The following SGIP1 variants were observed in gnomAD, a reference collection of about 807,000 sequenced individuals.
SGIP1 encodes SH3-containing GRB2-like protein 3-interacting protein 1.
Under a neutral mutation model 107.5 loss-of-function variants are expected in SGIP1, and 38 were observed. The ratio of observed to expected loss-of-function variants is 0.35; its 90% CI spans 0.27 to 0.46. The LOEUF is 0.46. SGIP1 is among the 20% of genes least tolerant of loss of function. The probability of loss-of-function intolerance (pLI) is 1.00; values close to 1 mark genes in which losing one functional copy is unlikely to be tolerated. For missense variants in SGIP1, 929 were observed against 1,019.5 expected (o/e 0.91, Z 1.21); for synonymous variants, 365 against 366.1 (o/e 1.00, Z 0.03).
intron 1 of SGIP1, among the ~76,000 whole-genome samples, chr1:66,538,760 C>T (rs1346916208): frequency 6.6e-6 from 1 of 152,052 alleles, no homozygotes; most frequent in African/African-American, 2.4e-5. Flanking sequence ...AAATATTTGC[C>T]ATAAAATGTG....
intron 19 of SGIP1, among the ~76,000 whole-genome samples, chr1:66,720,814 C>T (rs751193501): frequency 2.0e-5 from 3 of 152,080 alleles, no homozygotes; most frequent in Non-Finnish European, 4.4e-5. Flanking sequence ...TTTTTTGAAA[C>T]AGTGATAATT....
chr1:66,717,388 T>C (rs1188486067), intron 18 of SGIP1, among the ~76,000 whole-genome samples: 1 of 152,178 alleles, frequency 6.6e-6, no homozygotes, highest in East Asian at 1.9e-4. Context: ...TTTATAAATG[T>C]GCATAAACCT....
At chr1:66,601,997 T>C (rs2065930440) in intron 1 of SGIP1, among the ~76,000 whole-genome samples, 1 of 152,218 alleles carries the variant, frequency 6.6e-6, no homozygotes, top group Non-Finnish European at 1.5e-5. Flanking sequence ...TCTGATGCAA[T>C]GTCCCAAACA....
At chr1:66,691,699 C>CT (rs1185270684) in intron 17 of SGIP1, among the ~76,000 whole-genome samples, 1 of 152,144 alleles carries the variant, frequency 6.6e-6, no homozygotes, top group Non-Finnish European at 1.5e-5. Context: ...CACTGCCACT[C>CT]TTTTTCTAGA....
chr1:66,582,102 A>G (rs1447983777), intron 1 of SGIP1, among the ~76,000 whole-genome samples: 1 of 152,054 alleles, frequency 6.6e-6, no homozygotes, highest in East Asian at 1.9e-4. Context: ...AGTCTACTCA[A>G]TGCACTTTCC....
intron 18 of SGIP1, among the ~76,000 whole-genome samples, chr1:66,700,466 A>G (rs948219163): frequency 6.6e-6 from 1 of 151,620 alleles, no homozygotes; most frequent in East Asian, 1.9e-4. Flanking sequence ...AATCTCATTC[A>G]GTCCTTGCAA....
At position 66,642,828 on chromosome 1, in the gene SGIP1, G is replaced by A; in HGVS notation, c.247G>A (p.Glu83Lys). The change falls in exon 6 of 25, where the codon GAA (glutamate) becomes AAA (lysine). Residue 83 changes from glutamate (E) to lysine (K), a missense_variant. By Grantham distance (56) the Glu-to-Lys change is moderately conservative. Coordinates refer to ENST00000371037, the MANE Select transcript of SGIP1 (RefSeq NM_032291.4). ...TTTATAGAACTCACCTGAGCTGGATGAAGAAGGCTACAGCATCAGACCCGA... is the reference window on the plus strand; with the variant it reads ...TTTATAGAACTCACCTGAGCTGGATAAAGAAGGCTACAGCATCAGACCCGA... ...WERYNSPELD[E>K]EGYSIRPEEP... 2 of 1,612,564 alleles carry A rather than the reference G, an allele frequency of 1.2e-6. No homozygotes were observed. Among genetic ancestry groups the A allele is most frequent in the Non-Finnish European group, 1.7e-6 (2 of 1,179,336 alleles).
chr1:66,742,203 C>T (rs1343133169), intron 24 of SGIP1, among the ~76,000 whole-genome samples: 1 of 152,016 alleles, frequency 6.6e-6, no homozygotes. Context: ...GAATCTAGGC[C>T]ACAGATCAAA....
In SGIP1 at chr1:66,719,355, A is replaced by T. The variant is rs201542797; in HGVS notation, c.1692A>T (p.Ala564=). ...CTCAGGACACTCTCCCTGTTGCAGCAGCATTTACAGAAACAGTCAATGCCT... is the reference window on the plus strand; with the variant it reads ...CTCAGGACACTCTCCCTGTTGCAGCTGCATTTACAGAAACAGTCAATGCCT... The part of the protein sequence containing the change: ...MGAQDTLPVA[A]AFTETVNAYF... Residue 564 remains alanine (A), a synonymous_variant, in exon 19 of 25, where the codon GCA becomes GCT. Transcript: ENST00000371037. 3 of 1,613,618 alleles carry T rather than the reference A, an allele frequency of 1.9e-6. No homozygotes were observed. The African/African-American group carries it at 4.0e-5, about 22-fold the overall frequency.
chr1:66,716,104 T>C (rs1273611251), intron 18 of SGIP1, among the ~76,000 whole-genome samples: 1 of 152,094 alleles, frequency 6.6e-6, no homozygotes, highest in Non-Finnish European at 1.5e-5. Context: ...CAATCCCAGG[T>C]ATGTCTGATG....
At chr1:66,594,761 G>C (rs1295756583) in intron 1 of SGIP1, among the ~76,000 whole-genome samples, 2 of 152,180 alleles carry the variant, frequency 1.3e-5, no homozygotes, top group Non-Finnish European at 2.9e-5. Context: ...TGGGTGGGTT[G>C]CTGATATTCT....
intron 18 of SGIP1, among the ~76,000 whole-genome samples, chr1:66,698,377 G>T (rs1360312064): frequency 7.3e-6 from 1 of 136,212 alleles, no homozygotes; most frequent in Non-Finnish European, 1.5e-5. Context: ...AAATGGTGAT[G>T]ACTTTTTTTT....
intron 1 of SGIP1, among the ~76,000 whole-genome samples, chr1:66,600,470 A>T (rs1446500600): frequency 6.6e-6 from 1 of 152,232 alleles, no homozygotes; most frequent in African/African-American, 2.4e-5. Context: ...AAGAATAACG[A>T]GTTCCACCTA....
chr1:66,658,943 G>A (rs2149671052), intron 7 of SGIP1, among the ~76,000 whole-genome samples: 1 of 152,274 alleles, frequency 6.6e-6, no homozygotes, highest in Non-Finnish European at 1.5e-5. Context: ...AGAGGGAGAA[G>A]CAGCATGGGC....
At chr1:66,538,646 A>G (rs2147999588) in intron 1 of SGIP1, among the ~76,000 whole-genome samples, 1 of 152,292 alleles carries the variant, frequency 6.6e-6, no homozygotes, top group South Asian at 2.1e-4. Flanking sequence ...TTTGTTTGTG[A>G]GCTGGTTACT....
intron 15 of SGIP1, among the ~76,000 whole-genome samples, chr1:66,685,192 G>A (rs917043158): frequency 2.0e-5 from 3 of 152,012 alleles, no homozygotes; most frequent in East Asian, 1.9e-4. Context: ...TGTATTTCTC[G>A]AAGCATATTT....
chr1:66,597,095 T>C (rs1466885948), intron 1 of SGIP1, among the ~76,000 whole-genome samples: 1 of 152,216 alleles, frequency 6.6e-6, no homozygotes, highest in Non-Finnish European at 1.5e-5. Flanking sequence ...TTAGTACATA[T>C]GCAGGTTTGT....
At chr1:66,579,151 G>A (rs6697365) in intron 1 of SGIP1, among the ~76,000 whole-genome samples, 51,278 of 151,974 alleles carry the variant, frequency 0.34, 9,300 homozygotes, top group African/African-American at 0.48. Context: ...GCCAAGTCTT[G>A]TTATTGTTGC....
intron 18 of SGIP1, among the ~76,000 whole-genome samples, chr1:66,718,212 A>G (rs1225875433): frequency 6.6e-6 from 1 of 152,134 alleles, no homozygotes; most frequent in Non-Finnish European, 1.5e-5. Flanking sequence ...TAAAGTAAGT[A>G]GTCTATGCTG....
Sources: gnomAD v4.1 joint callset for allele counts (sites outside exome capture counted in the v4.1 genomes callset) on GRCh38, gnomAD v4.1.1 for gene constraint, MANE v1.5 for transcripts, NCBI Gene and HGNC (gene_info 2026-07-23, HGNC 2026-07-21) for gene names.